Variants in CLASP1 observed in about 807,000 individuals in gnomAD.
CLASP1 encodes CLIP-associating protein 1.
A neutral mutation model predicts 192.3 loss-of-function variants in CLASP1; 38 were observed. The observed-to-expected ratio is 0.20, with a 90% CI of 0.15 to 0.26. The LOEUF (loss-of-function observed/expected upper bound fraction) is 0.26, where lower values mean the gene tolerates loss of function less well. Among genes scored for constraint, CLASP1 ranks in the 10% least tolerant of loss-of-function variants. The pLI, the probability that CLASP1 is intolerant of heterozygous loss-of-function variation, is 1.00. For missense variants in CLASP1, 1,433 were observed against 1,932.5 expected (o/e 0.74, Z 4.85); for synonymous variants, 691 against 712.8 (o/e 0.97, Z 0.49).
chr2:121,411,874 T>C (rs889127137), intron 23 of CLASP1, among the ~76,000 whole-genome samples: 4 of 152,266 alleles, frequency 2.6e-5, no homozygotes, highest in African/African-American at 9.6e-5. Flanking sequence ...TATCTACCAG[T>C]AAAAAATTTC....
intron 14 of CLASP1, among the ~76,000 whole-genome samples, chr2:121,453,237 A>T (rs973375930): frequency 6.6e-6 from 1 of 152,186 alleles, no homozygotes; most frequent in African/African-American, 2.4e-5. Context: ...TGAGACTGCA[A>T]TGAACTATGA....
chr2:121,415,619 C>T (rs553629282), intron 23 of CLASP1, among the ~76,000 whole-genome samples: 51 of 152,282 alleles, frequency 3.3e-4, no homozygotes, highest in Non-Finnish European at 5.4e-4. Flanking sequence ...CAACATACGG[C>T]TTTTCGTTAA....
intron 8 of CLASP1, among the ~76,000 whole-genome samples, chr2:121,498,260 C>G (rs1340697340): frequency 6.9e-6 from 1 of 144,406 alleles, no homozygotes; most frequent in Non-Finnish European, 1.5e-5. Flanking sequence ...CGCAGTGGTA[C>G]AATCTCAGCT....
At chr2:121,417,851 C>G (rs1208029219) in intron 23 of CLASP1, among the ~76,000 whole-genome samples, 3 of 152,126 alleles carry the variant, frequency 2.0e-5, no homozygotes, top group Admixed American at 6.5e-5. Context: ...TTTCAAAAGA[C>G]CAGTTACATA....
intron 1 of CLASP1, among the ~76,000 whole-genome samples, chr2:121,636,407 T>C (rs1307174913): frequency 3.3e-5 from 5 of 150,856 alleles, no homozygotes; most frequent in Non-Finnish European, 1.5e-5. Context: ...CTCATGCCTG[T>C]AATCCCAACA....
chr2:121,405,443 G>A lies in CLASP1; in HGVS notation c.2670-1009C>T, dbSNP rs573000432. 9.2e-5 allele frequency among the ~76,000 whole-genome samples: 14 copies of A among 152,276 alleles called. No individual in the cohort carries two copies. In the East Asian group the frequency reaches 1.7e-3, roughly 19 times the overall value. ...AAGATAAAACATTGTACCTTCTACC[G>A]TACCTAGGACAAAGCAAACACTCAT... is the stretch of plus-strand genomic sequence containing the variant. On this transcript the variant is annotated intron_variant, in intron 25 of 39. Transcript: ENST00000263710.
chr2:121,483,568 G>GTA (rs1208228455), intron 8 of CLASP1, among the ~76,000 whole-genome samples: 3 of 150,746 alleles, frequency 2.0e-5, no homozygotes, highest in East Asian at 3.9e-4. Context: ...ATATATGTAT[G>GTA]TATATATATG....
At chr2:121,521,456 A>T (rs1424373017) in intron 6 of CLASP1, among the ~76,000 whole-genome samples, 1 of 152,236 alleles carries the variant, frequency 6.6e-6, no homozygotes, top group African/African-American at 2.4e-5. Flanking sequence ...GAGGCAATGC[A>T]CACAGGCTGA....
chr2:121,410,336 C>A (rs2077517085), intron 24 of CLASP1, among the ~76,000 whole-genome samples: 1 of 152,050 alleles, frequency 6.6e-6, no homozygotes, highest in Admixed American at 6.6e-5. Context: ...TATAATGATG[C>A]AAAAACATAT....
At chr2:121,467,709 G>A (rs555660360) in intron 9 of CLASP1, among the ~76,000 whole-genome samples, 5 of 152,042 alleles carry the variant, frequency 3.3e-5, no homozygotes, top group Non-Finnish European at 7.4e-5. Context: ...TTTGTCAGAC[G>A]GATAGATTGC....
chr2:121,460,278 T>C (rs961419904), intron 11 of CLASP1, among the ~76,000 whole-genome samples, 153 bp from the exon 12 acceptor site: 2 of 152,198 alleles, frequency 1.3e-5, no homozygotes, highest in Non-Finnish European at 2.9e-5. Flanking sequence ...AAATATTAGC[T>C]AATACAATAA....
intron 8 of CLASP1, among the ~76,000 whole-genome samples, chr2:121,478,895 ACAC>A (rs2092230054): frequency 1.6e-5 from 1 of 61,802 alleles, no homozygotes; most frequent in Non-Finnish European, 3.1e-5. Context: ...CACCACACAC[ACAC>A]ACCACACCAC....
rs375739275 is a variant in CLASP1, at chr2:121,515,084, A to G, written c.644+581T>C. ...TTCTCCATCACAGTTAAAATTATACATATCTGATCACTACATTATTTTAAA... is the reference window on the plus strand; with the variant it reads ...TTCTCCATCACAGTTAAAATTATACGTATCTGATCACTACATTATTTTAAA... On this transcript the variant is annotated intron_variant, in intron 7 of 39. Transcript: ENST00000263710. Among the ~76,000 whole-genome samples, 15 of 152,232 alleles carry G rather than the reference A, an allele frequency of 9.9e-5. No individual in the cohort carries two copies. The East Asian group carries it at 1.3e-3, about 14-fold the overall frequency.
At chr2:121,572,201 G>A (rs1434514752) in intron 2 of CLASP1, among the ~76,000 whole-genome samples, 6 of 152,168 alleles carry the variant, frequency 3.9e-5, no homozygotes, top group Non-Finnish European at 8.8e-5. Context: ...GGCCAAGGCG[G>A]GTGGATCACG....
chr2:121,338,360 G>A (rs1485065093), exon 40 of CLASP1: 1 of 152,376 alleles, frequency 6.6e-6, no homozygotes, highest in Non-Finnish European at 1.5e-5. Context: ...GGCTGCAGGG[G>A]AGGCAGCAGC....
chr2:121,571,159 T>TAA (rs2059936469), intron 2 of CLASP1, among the ~76,000 whole-genome samples: 1 of 151,974 alleles, frequency 6.6e-6, no homozygotes, highest in African/African-American at 2.4e-5. Flanking sequence ...TTAATATAAT[T>TAA]AAATTTATTT....
chr2:121,533,751 T>G (rs2094962325), intron 2 of CLASP1, among the ~76,000 whole-genome samples: 1 of 152,218 alleles, frequency 6.6e-6, no homozygotes, highest in Non-Finnish European at 1.5e-5. Flanking sequence ...ACGTTTGTGC[T>G]TGTTTCCCCA....
chr2:121,577,990 T>C (rs551629245), intron 2 of CLASP1, among the ~76,000 whole-genome samples: 146 of 152,290 alleles, frequency 9.6e-4, no homozygotes, highest in Admixed American at 3.4e-3. Flanking sequence ...TAGAGGGCAG[T>C]GGTATGATCT....
At chr2:121,555,968 C>T (rs926839794) in intron 2 of CLASP1, among the ~76,000 whole-genome samples, 1 of 136,522 alleles carries the variant, frequency 7.3e-6, no homozygotes, top group East Asian at 2.5e-4. Flanking sequence ...TGAGCCACGG[C>T]GCCTGCCCCC....
Sources: gnomAD v4.1 joint callset for allele counts (sites outside exome capture counted in the v4.1 genomes callset) on GRCh38, gnomAD v4.1.1 for gene constraint, MANE v1.5 for transcripts, NCBI Gene and HGNC (gene_info 2026-07-23, HGNC 2026-07-21) for gene names.